Variants in ARHGAP44 observed in about 807,000 individuals in gnomAD.
ARHGAP44 encodes the protein Rho GTPase activating protein 44.
ARHGAP44 carries 43 observed loss-of-function variants against 106.8 expected under a neutral mutation model. That is an observed-to-expected ratio of 0.40 (90% CI 0.32 to 0.52). The LOEUF is 0.52. Among genes scored for constraint, ARHGAP44 ranks in the 20% least tolerant of loss-of-function variants. The pLI is 0.48. For missense variants in ARHGAP44, 866 were observed against 1,050.5 expected (o/e 0.82, Z 2.43); for synonymous variants, 439 against 410.3 (o/e 1.07, Z -0.85).
intron 1 of ARHGAP44, among the ~76,000 whole-genome samples, chr17:12,807,576 G>C (rs1428189532): frequency 6.6e-6 from 1 of 152,172 alleles, no homozygotes; most frequent in African/African-American, 2.4e-5. Context: ...AAAACTATCA[G>C]ATCTTGTGAG....
chr17:12,864,716 A>T (rs2036183670), intron 1 of ARHGAP44, among the ~76,000 whole-genome samples: 1 of 152,216 alleles, frequency 6.6e-6, no homozygotes, highest in East Asian at 1.9e-4. Flanking sequence ...AATAGAACTG[A>T]ATAAGGAGAG....
intron 2 of ARHGAP44, among the ~76,000 whole-genome samples, chr17:12,896,095 G>A (rs985949764): frequency 3.0e-5 from 4 of 134,718 alleles, no homozygotes; most frequent in Non-Finnish European, 6.3e-5. Flanking sequence ...ACACACCAGG[G>A]CCTGTCATGG....
intron 1 of ARHGAP44, among the ~76,000 whole-genome samples, chr17:12,868,529 T>C (rs991491461): frequency 4.2e-5 from 6 of 143,148 alleles, no homozygotes; most frequent in Non-Finnish European, 9.0e-5. Context: ...CCCTAATCCA[T>C]GTGCAATAAA....
Position 12,896,524 on chromosome 17 carries a change from C to T in ARHGAP44, c.198+13C>T. ...TGACAAGCGCTCCGTAAGTGCCCTC[C>T]CAGCCCTGGGGAGCTGAAATCTTGC... On this transcript the variant is annotated intron_variant, in intron 3 of 20. Coordinates refer to ENST00000379672, the MANE Select transcript of ARHGAP44 (RefSeq NM_014859.6). 6.3e-7 allele frequency: 1 copy of T among 1,580,660 alleles called. No individual in the cohort carries two copies. Among genetic ancestry groups the T allele is most frequent in the Non-Finnish European group, 8.6e-7 (1 of 1,164,000 alleles).
chr17:12,807,128 T>A (rs2034297987), intron 1 of ARHGAP44, among the ~76,000 whole-genome samples: 1 of 152,198 alleles, frequency 6.6e-6, no homozygotes, highest in African/African-American at 2.4e-5. Context: ...CGTCTCAGCC[T>A]AATGGCCTCC....
intron 5 of ARHGAP44, among the ~76,000 whole-genome samples, chr17:12,918,026 T>C (rs2037968251): frequency 6.6e-6 from 1 of 152,098 alleles, no homozygotes; most frequent in African/African-American, 2.4e-5. Flanking sequence ...ATGAAGTTCT[T>C]TGGGATTGAC....
At chr17:12,982,163 G>C (rs993191734) in intron 19 of ARHGAP44, among the ~76,000 whole-genome samples, 12 of 152,142 alleles carry the variant, frequency 7.9e-5, no homozygotes, top group African/African-American at 2.9e-4. Flanking sequence ...CGTTTTTGCA[G>C]CACATTGGAC....
chr17:12,822,593 A>G (rs1201819708), intron 1 of ARHGAP44, among the ~76,000 whole-genome samples: 2 of 152,230 alleles, frequency 1.3e-5, no homozygotes, highest in African/African-American at 4.8e-5. Context: ...CTAGAATGCA[A>G]GCCATTGGCA....
At chr17:12,911,552 G>A (rs1444067734) in intron 4 of ARHGAP44, among the ~76,000 whole-genome samples, 2 of 152,154 alleles carry the variant, frequency 1.3e-5, no homozygotes, top group African/African-American at 2.4e-5. Context: ...TGGAATAGTG[G>A]GTCTTTGGGG....
chr17:12,847,144 T>C (rs2035591216), intron 1 of ARHGAP44, among the ~76,000 whole-genome samples: 1 of 152,200 alleles, frequency 6.6e-6, no homozygotes, highest in Non-Finnish European at 1.5e-5. Context: ...AAATAATAAT[T>C]AGGCATAGCA....
chr17:12,922,279 T>C (rs2150958330), intron 6 of ARHGAP44, among the ~76,000 whole-genome samples: 1 of 152,308 alleles, frequency 6.6e-6, no homozygotes, highest in East Asian at 1.9e-4. Flanking sequence ...GGTTTTAAAA[T>C]TATTCTGATG....
intron 3 of ARHGAP44, among the ~76,000 whole-genome samples, chr17:12,903,877 TA>T (rs1464724837): frequency 1.3e-5 from 2 of 152,174 alleles, no homozygotes; most frequent in Non-Finnish European, 2.9e-5. Flanking sequence ...GTATCTTAGT[TA>T]GAGGCAATCT....
At chr17:12,826,087 A>C (rs2150804414) in intron 1 of ARHGAP44, among the ~76,000 whole-genome samples, 1 of 152,274 alleles carries the variant, frequency 6.6e-6, no homozygotes. Flanking sequence ...ATAATTTTAA[A>C]CTTTTAAGTC....
chr17:12,845,623 G>A (rs879616190), intron 1 of ARHGAP44, among the ~76,000 whole-genome samples: 1 of 151,682 alleles, frequency 6.6e-6, no homozygotes, highest in Non-Finnish European at 1.5e-5. Context: ...GTAAATCTTT[G>A]CGCATAGTAG....
At chr17:12,800,797 C>T (rs1284167963) in intron 1 of ARHGAP44, among the ~76,000 whole-genome samples, 1 of 152,166 alleles carries the variant, frequency 6.6e-6, no homozygotes, top group Non-Finnish European at 1.5e-5. Context: ...TGAACCAGGG[C>T]CTAAGTAGGT....
intron 19 of ARHGAP44, among the ~76,000 whole-genome samples, chr17:12,983,264 TAAAA>T (rs56038306): frequency 4.2e-5 from 4 of 95,846 alleles, no homozygotes; most frequent in African/African-American, 8.2e-5. Context: ...GACTCCATCT[TAAAA>T]AAAAAAAAAA....
intron 1 of ARHGAP44, among the ~76,000 whole-genome samples, chr17:12,808,715 T>A (rs2034351619): frequency 6.6e-6 from 1 of 152,220 alleles, no homozygotes. Flanking sequence ...AGACCTCTGA[T>A]ATGCCCTGGG....
chr17:12,925,952 C>T (rs1471030556), intron 6 of ARHGAP44, among the ~76,000 whole-genome samples: 1 of 152,178 alleles, frequency 6.6e-6, no homozygotes, highest in Non-Finnish European at 1.5e-5. Flanking sequence ...TCACCTTTTC[C>T]AGCATGAGTA....
intron 16 of ARHGAP44, among the ~76,000 whole-genome samples, chr17:12,963,140 A>G (rs1298938917): frequency 6.6e-6 from 1 of 151,734 alleles, no homozygotes; most frequent in Non-Finnish European, 1.5e-5. Context: ...CAATACAATC[A>G]TCCACTGCAG....
Sources: gnomAD v4.1 joint callset for allele counts (sites outside exome capture counted in the v4.1 genomes callset) on GRCh38, gnomAD v4.1.1 for gene constraint, MANE v1.5 for transcripts, NCBI Gene and HGNC (gene_info 2026-07-23, HGNC 2026-07-21) for gene names.